The following EFCAB6 variants were observed in gnomAD, a reference collection of about 807,000 sequenced individuals.
The protein encoded by EFCAB6 is EF-hand calcium binding domain 6, also known as EF-hand calcium-binding domain-containing protein 6.
Under a neutral mutation model 169.8 loss-of-function variants are expected in EFCAB6, and 156 were observed. That is an observed-to-expected ratio of 0.92 (90% confidence interval 0.81 to 1.05). EFCAB6 has a LOEUF of 1.05. Among genes scored for constraint, EFCAB6 ranks in the 50% least tolerant of loss-of-function variants. EFCAB6 has a pLI of 0.00. For missense variants in EFCAB6, 1,800 were observed against 1,829.1 expected (o/e 0.98, Z 0.29); for synonymous variants, 698 against 676.4 (o/e 1.03, Z -0.50).
At chr22:43,560,766 C>T (rs1370203394) in intron 26 of EFCAB6, among the ~76,000 whole-genome samples, 1 of 152,192 alleles carries the variant, frequency 6.6e-6, no homozygotes, top group Non-Finnish European at 1.5e-5. Flanking sequence ...GTCACAGAAC[C>T]AACAGAGTGG....
intron 17 of EFCAB6, among the ~76,000 whole-genome samples, chr22:43,657,429 A>C (rs1383906041): frequency 1.6e-5 from 2 of 121,350 alleles, no homozygotes; most frequent in African/African-American, 5.4e-5. Context: ...ATCAATCATT[A>C]AAAAAAAAAC....
At chr22:43,757,555 A>C (rs1415056172) in intron 5 of EFCAB6, among the ~76,000 whole-genome samples, 1 of 152,182 alleles carries the variant, frequency 6.6e-6, no homozygotes, top group East Asian at 1.9e-4. Context: ...CTCAAACAAA[A>C]AAAGGAATTA....
At chr22:43,709,126 G>A (rs1439261414) in intron 10 of EFCAB6, among the ~76,000 whole-genome samples, 1 of 152,144 alleles carries the variant, frequency 6.6e-6, no homozygotes, top group Non-Finnish European at 1.5e-5. Flanking sequence ...CTGTTGCCCA[G>A]GCTGGGGTGC....
chr22:43,562,229 A>G lies in EFCAB6; in HGVS notation c.3421-7133T>C, dbSNP rs557965662. ...CTTCTAGATGTGGCAAAGACAGCCC[A>G]CCACTACCAGAAGGAAAATTCTTGG... On this transcript the variant is annotated intron_variant, in intron 26 of 31. Transcript: ENST00000262726. 2.6e-5 allele frequency among the ~76,000 whole-genome samples: 4 copies of G among 152,334 alleles called. No individual in the cohort carries two copies. In the East Asian group the frequency reaches 5.8e-4, roughly 22 times the overall value.
At position 43,744,856 on chromosome 22, in the gene EFCAB6, C is replaced by T. The variant is rs1219141998; in HGVS notation, c.508-8863G>A. 6.6e-6 allele frequency among the ~76,000 whole-genome samples: 1 copy of T among 152,106 alleles called. No homozygotes were observed. The highest frequency in any genetic ancestry group is 2.4e-5 in the African/African-American group (1 of 41,410). On this transcript the variant is annotated intron_variant, in intron 6 of 31. Transcript: ENST00000262726. This position sits in a 1 kb window ranked among gnomAD's most constrained non-coding sequence, Gnocchi z 4.3. ...GCAGAAAGAAGGAGGGAGGTACAGCCAGTGAGCAGGCCCTACCCACTCCAG... is the reference window on the plus strand; with the variant it reads ...GCAGAAAGAAGGAGGGAGGTACAGCTAGTGAGCAGGCCCTACCCACTCCAG...
At chr22:43,767,914 T>C (rs2061364934) in intron 4 of EFCAB6, among the ~76,000 whole-genome samples, 1 of 152,224 alleles carries the variant, frequency 6.6e-6, no homozygotes, top group Non-Finnish European at 1.5e-5. Flanking sequence ...GTGTTTACAA[T>C]TCTGGCAAAA....
chr22:43,709,885 T>C (rs1254034233), intron 10 of EFCAB6, among the ~76,000 whole-genome samples: 3 of 152,156 alleles, frequency 2.0e-5, no homozygotes, highest in Non-Finnish European at 2.9e-5. Context: ...AGCCACAGCA[T>C]TCGTACATGG....
chr22:43,671,781 T>C (rs2146975401), intron 15 of EFCAB6, among the ~76,000 whole-genome samples, 192 bp downstream of exon 15: 1 of 152,322 alleles, frequency 6.6e-6, no homozygotes, highest in South Asian at 2.1e-4. Context: ...TACATGGCTG[T>C]GATAAGGACT....
intron 5 of EFCAB6, among the ~76,000 whole-genome samples, chr22:43,756,318 A>T (rs183015876): frequency 4.1e-4 from 62 of 152,306 alleles, no homozygotes; most frequent in African/African-American, 1.4e-3. Flanking sequence ...TCTCTGCTGC[A>T]GCTGCAGCAC....
rs148189200 is a variant in EFCAB6, at chr22:43,542,230, C to T, written c.3649-1873G>A. On this transcript the variant is annotated intron_variant, in intron 27 of 31. Transcript: ENST00000262726. Reference sequence around the variant, plus strand: ...GCAGGAGACAATCCCAGGGCTCCCACCTAAGGATCTCCTCTTCTAACAGGG... The same window carrying T: ...GCAGGAGACAATCCCAGGGCTCCCATCTAAGGATCTCCTCTTCTAACAGGG... Among the ~76,000 whole-genome samples, 558 of 152,350 alleles carry T rather than the reference C, an allele frequency of 3.7e-3. 2 individuals carry two copies. Among genetic ancestry groups the T allele is most frequent in the African/African-American group, 0.013 (543 of 41,576 alleles).
chr22:43,535,061 A>T, intron 29 of EFCAB6, 189 bp from the exon 30 acceptor site: 2 of 611,010 alleles, frequency 3.3e-6, no homozygotes, highest in Non-Finnish European at 2.8e-6. Context: ...TGCCGCAGGG[A>T]GGGGGACCCT....
chr22:43,785,031 C>T (rs969745089), intron 2 of EFCAB6, among the ~76,000 whole-genome samples: 1 of 151,972 alleles, frequency 6.6e-6, no homozygotes, highest in Non-Finnish European at 1.5e-5. Context: ...CCCCAATATA[C>T]GTGAAGCAAA....
At chr22:43,587,583 T>C (rs1175903520) in intron 24 of EFCAB6, among the ~76,000 whole-genome samples, 3 of 152,174 alleles carry the variant, frequency 2.0e-5, no homozygotes, top group African/African-American at 7.2e-5. Flanking sequence ...CATGGCCTTC[T>C]CTTTGTCTGT....
intron 22 of EFCAB6, among the ~76,000 whole-genome samples, chr22:43,601,447 G>T (rs188703973): frequency 6.6e-6 from 1 of 152,238 alleles, no homozygotes; most frequent in Admixed American, 6.5e-5. Flanking sequence ...CAAGGAATGA[G>T]ACTATATTTA....
intron 18 of EFCAB6, among the ~76,000 whole-genome samples, chr22:43,633,355 C>G (rs1049824611): frequency 3.9e-5 from 6 of 152,194 alleles, no homozygotes; most frequent in African/African-American, 1.4e-4. Flanking sequence ...CGAGACCATC[C>G]TGGCCAACAT....
chr22:43,689,763 T>C (rs1436743092), intron 10 of EFCAB6, among the ~76,000 whole-genome samples: 1 of 152,180 alleles, frequency 6.6e-6, no homozygotes, highest in East Asian at 1.9e-4. Context: ...GAAGCTGCCA[T>C]CATGCCACCT....
intron 10 of EFCAB6, among the ~76,000 whole-genome samples, chr22:43,702,701 T>C (rs1156755330): frequency 6.6e-6 from 1 of 152,086 alleles, no homozygotes; most frequent in Non-Finnish European, 1.5e-5. Context: ...AAGCGGGAGC[T>C]CTGTGTACCT....
chr22:43,754,235 C>T (rs1248171020), intron 6 of EFCAB6, among the ~76,000 whole-genome samples: 1 of 152,154 alleles, frequency 6.6e-6, no homozygotes, highest in Non-Finnish European at 1.5e-5. Context: ...TATTTTTAAG[C>T]CACACAGCAG....
intron 13 of EFCAB6, among the ~76,000 whole-genome samples, chr22:43,674,588 G>C (rs1188911151): frequency 6.6e-6 from 1 of 152,212 alleles, no homozygotes; most frequent in Non-Finnish European, 1.5e-5. Flanking sequence ...CCACTGGAAA[G>C]GTGAAGGCAT....
Sources: gnomAD v4.1 joint callset for allele counts (sites outside exome capture counted in the v4.1 genomes callset) on GRCh38, gnomAD v4.1.1 for gene constraint, Gnocchi (gnomAD v3.1) non-coding constraint, MANE v1.5 for transcripts, NCBI Gene and HGNC (gene_info 2026-07-23, HGNC 2026-07-21) for gene names.